Variants in SYCP1 observed in about 807,000 individuals in gnomAD.
SYCP1 encodes the protein synaptonemal complex protein 1, also known as cancer/testis antigen 8.
A neutral mutation model predicts 153.1 loss-of-function variants in SYCP1; 64 were observed. The ratio of observed to expected loss-of-function variants is 0.42; its 90% confidence interval spans 0.34 to 0.51. The LOEUF is 0.51. Among genes scored for constraint, SYCP1 ranks in the 20% least tolerant of loss-of-function variants. SYCP1 has a pLI of 0.06. For synonymous variants in SYCP1, 384 were observed against 341.8 expected (o/e 1.12, Z -1.36); for missense variants, 997 against 1,049.0 (o/e 0.95, Z 0.68).
intron 27 of SYCP1, among the ~76,000 whole-genome samples, chr1:114,960,123 A>G (rs192929314): frequency 6.9e-4 from 102 of 148,212 alleles, no homozygotes; most frequent in Admixed American, 2.4e-3. Flanking sequence ...GGATGGCTGG[A>G]TCATACAGTC....
At chr1:114,983,223 T>G (rs557295203) in intron 29 of SYCP1, among the ~76,000 whole-genome samples, 1 of 152,020 alleles carries the variant, frequency 6.6e-6, no homozygotes, top group East Asian at 1.9e-4. Context: ...CCTACACATA[T>G]GCGTGGCCTT....
At chr1:114,981,259 C>A in intron 28 of SYCP1, 77 bp from the exon 29 acceptor site, 2 of 1,158,392 alleles carry the variant, frequency 1.7e-6, no homozygotes, top group Admixed American at 2.6e-5. Flanking sequence ...CTACTAGTTG[C>A]TGCACTTTAA....
intron 28 of SYCP1, among the ~76,000 whole-genome samples, chr1:114,981,128 G>A (rs1673125692): frequency 6.6e-6 from 1 of 151,930 alleles, no homozygotes; most frequent in African/African-American, 2.4e-5. Flanking sequence ...ACAGGCAGGG[G>A]CAGATAACAT....
chr1:114,879,180 AC>A (rs1165568752), intron 12 of SYCP1, among the ~76,000 whole-genome samples: 1 of 152,152 alleles, frequency 6.6e-6, no homozygotes, highest in Non-Finnish European at 1.5e-5. Context: ...TATTTTTCAA[AC>A]TTTTTTAAAC....
chr1:114,929,366 A>G (rs1669479888), intron 23 of SYCP1, among the ~76,000 whole-genome samples: 1 of 152,134 alleles, frequency 6.6e-6, no homozygotes, highest in Admixed American at 6.6e-5. Context: ...ATTATATTAA[A>G]TGTGAATGGA....
intron 8 of SYCP1, among the ~76,000 whole-genome samples, chr1:114,872,867 C>G (rs1171027933): frequency 6.6e-6 from 1 of 152,100 alleles, no homozygotes; most frequent in Non-Finnish European, 1.5e-5. Context: ...GTTGTCTAGG[C>G]TGGTCTCCAA....
At chr1:114,985,956 A>G (rs1673473110) in intron 30 of SYCP1, among the ~76,000 whole-genome samples, 1 of 151,964 alleles carries the variant, frequency 6.6e-6, no homozygotes. Context: ...AATAATATAA[A>G]TAAGAAAGCA....
chr1:114,883,736 A>T (rs1177068359), intron 12 of SYCP1, among the ~76,000 whole-genome samples: 1 of 152,214 alleles, frequency 6.6e-6, no homozygotes, highest in East Asian at 1.9e-4. Flanking sequence ...TTCCCTCACC[A>T]GGCTGGAGTG....
chr1:114,858,440 G>A, intron 5 of SYCP1, 107 bp from the exon 6 acceptor site: 4 of 846,944 alleles, frequency 4.7e-6, no homozygotes, highest in South Asian at 5.3e-5. Context: ...TTAAATTGAG[G>A]AGATATTTGG....
intron 27 of SYCP1, among the ~76,000 whole-genome samples, chr1:114,974,666 T>C (rs1365478914): frequency 1.3e-5 from 2 of 151,870 alleles, no homozygotes; most frequent in Non-Finnish European, 3.0e-5. Context: ...TGTAACAGGA[T>C]GCCCTTTTTA....
chr1:114,954,547 TTTTATTTATTTATTTA>T (rs4045000), intron 27 of SYCP1, among the ~76,000 whole-genome samples: 5 of 148,334 alleles, frequency 3.4e-5, no homozygotes, highest in Non-Finnish European at 5.9e-5. Context: ...TCAGTATGCT[TTTTATTTATTTATTTA>T]TTTATTTATT....
chr1:114,965,098 C>T (rs1045834110), intron 27 of SYCP1, among the ~76,000 whole-genome samples: 7 of 152,054 alleles, frequency 4.6e-5, no homozygotes, highest in Admixed American at 6.6e-5. Flanking sequence ...AAGTTGTATT[C>T]GTAGGTATTT....
chr1:114,939,006 C>T (rs900230902), intron 23 of SYCP1, among the ~76,000 whole-genome samples: 3 of 151,784 alleles, frequency 2.0e-5, no homozygotes, highest in Admixed American at 2.0e-4. Context: ...TTGTGGTTCC[C>T]CAAAAAAATA....
intron 16 of SYCP1, among the ~76,000 whole-genome samples, chr1:114,900,282 A>G (rs760185149): frequency 6.6e-6 from 1 of 152,058 alleles, no homozygotes; most frequent in Non-Finnish European, 1.5e-5. Flanking sequence ...ATGCCTTCTT[A>G]TAACATTTTT....
intron 27 of SYCP1, among the ~76,000 whole-genome samples, chr1:114,958,581 TA>T (rs930714667): frequency 3.4e-4 from 51 of 152,108 alleles, no homozygotes; most frequent in African/African-American, 1.2e-3. Flanking sequence ...TATATATCAA[TA>T]AAAATTATTT....
chr1:114,927,362 A>C lies in SYCP1; in HGVS notation c.1926+799A>C, dbSNP rs1165035504. On this transcript the variant is annotated intron_variant, in intron 23 of 31. Coordinates refer to ENST00000369522, the MANE Select transcript of SYCP1 (RefSeq NM_003176.4). The stretch of plus-strand genomic sequence containing the variant: ...TATTATCCCCAAACAGAAGACAACA[A>C]AAATGTCAACCAATAGTATAAAAAT... Among the ~76,000 whole-genome samples, 4 of 152,144 alleles carry C rather than the reference A, an allele frequency of 2.6e-5. No individual in the cohort carries two copies. In the East Asian group the frequency reaches 7.7e-4, roughly 29 times the overall value.
intron 16 of SYCP1, among the ~76,000 whole-genome samples, chr1:114,903,924 T>G (rs984373558): frequency 6.6e-6 from 1 of 152,180 alleles, no homozygotes; most frequent in Non-Finnish European, 1.5e-5. Flanking sequence ...ATTTCTGGAC[T>G]CTCTTACATT....
intron 16 of SYCP1, among the ~76,000 whole-genome samples, 155 bp downstream of exon 16, chr1:114,895,664 T>C (rs1332379711): frequency 6.6e-6 from 1 of 152,128 alleles, no homozygotes; most frequent in Non-Finnish European, 1.5e-5. Flanking sequence ...GATGCATTTT[T>C]TAGACCAATT....
At chr1:114,902,069 T>A (rs919831045) in intron 16 of SYCP1, among the ~76,000 whole-genome samples, 6 of 145,020 alleles carry the variant, frequency 4.1e-5, no homozygotes, top group African/African-American at 1.6e-4. Context: ...GCCAGCCTCG[T>A]GGGGCCCTTG....
Sources: gnomAD v4.1 joint callset for allele counts (sites outside exome capture counted in the v4.1 genomes callset) on GRCh38, gnomAD v4.1.1 for gene constraint, MANE v1.5 for transcripts, NCBI Gene and HGNC (gene_info 2026-07-23, HGNC 2026-07-21) for gene names.